The following AMY2A variants were observed in gnomAD, a reference collection of about 807,000 sequenced individuals.
The protein encoded by AMY2A is amylase alpha 2A.
Under a neutral mutation model 43.0 loss-of-function variants are expected in AMY2A, and 16 were observed. The observed-to-expected ratio is 0.37, with a 90% CI of 0.25 to 0.56. The LOEUF (loss-of-function observed/expected upper bound fraction) is 0.56, where lower values mean the gene tolerates loss of function less well. AMY2A is among the 20% of genes least tolerant of loss of function. AMY2A has a pLI of 0.77. For missense variants in AMY2A, 212 were observed against 456.8 expected (o/e 0.46, Z 4.89); for synonymous variants, 70 against 144.6 (o/e 0.48, Z 3.70).
chr1:103,618,077 G>C lies in AMY2A; in HGVS notation c.292G>C (p.Val98Leu). ...AAATGAAGATGAATTTAGAAACATG[G>C]TGACTAGATGTAACAATGTTGGGGT... ...SGNEDEFRNM[V>L]TRCNNVGVRI... The change falls in exon 2 of 10, where the codon GTG (valine) becomes CTG (leucine). Residue 98 changes from valine (V) to leucine (L), a missense_variant. Transcript: ENST00000414303. 6.2e-7 allele frequency: 1 copy of C among 1,600,016 alleles called. No individual in the cohort carries two copies.
chr1:103,618,074 A>G lies in AMY2A; in HGVS notation c.289A>G (p.Met97Val), dbSNP rs1653128938. 1.2e-6 allele frequency: 2 copies of G among 1,600,336 alleles called. No individual in the cohort carries two copies. The highest frequency in any genetic ancestry group is 1.1e-5 in the South Asian group (1 of 90,860). ...RSGNEDEFRN[M>V]VTRCNNVGVR... The stretch of plus-strand genomic sequence containing the variant: ...TGGAAATGAAGATGAATTTAGAAAC[A>G]TGGTGACTAGATGTAACAATGTTGG... Residue 97 changes from methionine (M) to valine (V), a missense_variant, in exon 2 of 10, where the codon ATG becomes GTG. By Grantham distance (21) the Met-to-Val change is conservative (BLOSUM62 1). Around this residue, in one of 2 missense-constraint regions of AMY2A, gnomAD observed 199 missense variants for 210.6 expected, o/e 0.94. Transcript: ENST00000414303.
chr1:103,618,105 G>A lies in AMY2A; in HGVS notation c.315+5G>A, dbSNP rs771818136. On this transcript the variant is annotated splice_donor_5th_base_variant and intron_variant, in intron 2 of 9. Coordinates refer to ENST00000414303, the MANE Select transcript of AMY2A (RefSeq NM_000699.4). ...ACTAGATGTAACAATGTTGGGGTAA[G>A]TGAATTCTAGTTTCCTTTAAAAATA... The A allele has an allele frequency of 1.9e-6, 3 of 1,593,712 alleles. No individual in the cohort carries two copies. The highest frequency in any genetic ancestry group is 2.6e-6 in the Non-Finnish European group (3 of 1,165,828).
chr1:103,619,093 C>T lies in AMY2A; in HGVS notation c.498C>T (p.Tyr166=), dbSNP rs201745025. ...CTGGAAGTGGAGATATCGAGAACTA[C>T]AATGATGCTACTCAGGTAATTTTTT... ...CKTGSGDIEN[Y]NDATQVRDCR... Residue 166 remains tyrosine (Y), a synonymous_variant, in exon 3 of 10, where the codon TAC becomes TAT. Coordinates refer to ENST00000414303, the MANE Select transcript of AMY2A (RefSeq NM_000699.4). The T allele has an allele frequency of 5.2e-6, 6 of 1,143,718 alleles. No individual in the cohort carries two copies. The highest frequency in any genetic ancestry group is 1.6e-5 in the African/African-American group (1 of 61,230). The allele number at this position is 1,143,718 out of a possible 1,614,324, so 70.8% of individuals were successfully genotyped here.
intron 2 of AMY2A, 152 bp from the exon 3 acceptor site, chr1:103,618,759 T>C (rs1653150604): frequency 1.4e-6 from 2 of 1,456,674 alleles, no homozygotes; most frequent in South Asian, 1.3e-5. Context: ...TTACTTTCCT[T>C]TCACAGTTGA....
chr1:103,620,737 T>TGAGGTAGTATG, intron 5 of AMY2A, 53 bp downstream of exon 5: 2 of 1,133,450 alleles, frequency 1.8e-6, no homozygotes, highest in Non-Finnish European at 2.5e-6. Flanking sequence ...TTAGTCATAC[T>TGAGGTAGTATG]ACCTCAGTGT....
chr1:103,617,219 C>A (rs1316138237), upstream of AMY2A, among the ~76,000 whole-genome samples: 2 of 150,464 alleles, frequency 1.3e-5, no homozygotes, highest in African/African-American at 2.4e-5. Flanking sequence ...GCTGCCAGAA[C>A]CTAAGAAAAA....
chr1:103,617,793 T>A (rs1312836418), intron 1 of AMY2A, among the ~76,000 whole-genome samples, 161 bp from the exon 2 acceptor site: 1 of 150,822 alleles, frequency 6.6e-6, no homozygotes, highest in South Asian at 2.1e-4. Flanking sequence ...TGAGATAATC[T>A]TTCTTCACCA....
At chr1:103,623,297 G>C (rs1237570729) in intron 7 of AMY2A, among the ~76,000 whole-genome samples, 3 of 136,586 alleles carry the variant, frequency 2.2e-5, no homozygotes, top group African/African-American at 8.5e-5. Flanking sequence ...CAATGACATT[G>C]CATGGCTTAC....
chr1:103,619,148 A>G (rs1431758246), intron 3 of AMY2A, 40 bp downstream of exon 3: 1 of 682,154 alleles, frequency 1.5e-6, no homozygotes, highest in Non-Finnish European at 2.3e-6. Flanking sequence ...AAAGAGTAAT[A>G]TATGCCTTTT....
At chr1:103,623,692 G>C (rs1653246645) in intron 7 of AMY2A, among the ~76,000 whole-genome samples, 174 bp from the exon 8 acceptor site, 2 of 123,384 alleles carry the variant, frequency 1.6e-5, no homozygotes, top group African/African-American at 3.4e-5. Context: ...CCAGAGGATA[G>C]AGAGATGATG....
At chr1:103,617,134 A>T, upstream of AMY2A, 1 of 972,920 alleles carries the variant, frequency 1.0e-6, no homozygotes, top group South Asian at 2.0e-5. Context: ...AGATGACAAC[A>T]AATTTTGGTT....
Position 103,619,057 on chromosome 1 carries a change from T to C in AMY2A, c.462T>C (p.Gly154=). The change falls in exon 3 of 10, where the codon GGT becomes GGC. Residue 154 remains glycine, a synonymous_variant. Coordinates refer to ENST00000414303, the MANE Select transcript of AMY2A (RefSeq NM_000699.4). ...ATTCTGGATGGGATTTCAATGATGG[T>C]AAATGTAAAACTGGAAGTGGAGATA... ...VPYSGWDFND[G]KCKTGSGDIE... 1.6e-6 allele frequency: 2 copies of C among 1,289,878 alleles called. No homozygotes were observed. Among genetic ancestry groups the C allele is most frequent in the Non-Finnish European group, 2.1e-6 (2 of 956,412 alleles). 79.9% of individuals were successfully genotyped at this position (1,289,878 alleles called of 1,614,324 possible).
chr1:103,617,255 A>C, upstream of AMY2A: 2 of 1,287,860 alleles, frequency 1.6e-6, no homozygotes, highest in South Asian at 3.0e-5. Context: ...GGTCATTTAG[A>C]TGATTTCCAT....
In AMY2A at chr1:103,618,218, T is replaced by A. The variant is rs946979954; in HGVS notation, c.315+118T>A. On this transcript the variant is annotated intron_variant, in intron 2 of 9. Transcript: ENST00000414303. Reference sequence around the variant, plus strand: ...ATTTTATTTTTTTAATTTTACTTCATAATTTAAAACTCAAAATTAACTGTT... The same window carrying A: ...ATTTTATTTTTTTAATTTTACTTCAAAATTTAAAACTCAAAATTAACTGTT... The A allele has an allele frequency of 1.1e-5, 16 of 1,433,626 alleles. 1 individual carries two copies. The highest frequency in any genetic ancestry group is 2.4e-5 in the Admixed American group (1 of 41,918). 88.8% of individuals were successfully genotyped at this position (1,433,626 alleles called of 1,614,324 possible).
chr1:103,618,012 G>C lies in AMY2A; in HGVS notation c.227G>C (p.Arg76Thr), dbSNP rs371720173. Residue 76 changes from arginine to threonine, a missense_variant, in exon 2 of 10, where the codon AGA becomes ACA. Arg to Thr is a moderately conservative substitution (Grantham distance 71, BLOSUM62 -1). Coordinates refer to ENST00000414303, the MANE Select transcript of AMY2A (RefSeq NM_000699.4). ...IYNPFRPWWE[R>T]YQPVSYKLCT... ...AACCCTTTCAGACCTTGGTGGGAAA[G>C]ATACCAACCAGTTAGCTATAAATTA... is the stretch of plus-strand genomic sequence containing the variant. 1.2e-6 allele frequency: 2 copies of C among 1,600,618 alleles called. No individual in the cohort carries two copies. The highest frequency in any genetic ancestry group is 2.7e-5 in the African/African-American group (2 of 74,760).
chr1:103,619,232 T>A lies in AMY2A; in HGVS notation c.513+124T>A, dbSNP rs1203037147. 6.3e-5 allele frequency: 40 copies of A among 635,710 alleles called. 1 individual carries two copies. The Admixed American group carries it at 1.1e-3, about 17-fold the overall frequency. The allele number at this position is 635,710 out of a possible 1,614,324, so 39.4% of individuals were successfully genotyped here. On this transcript the variant is annotated intron_variant, in intron 3 of 9. Coordinates refer to ENST00000414303, the MANE Select transcript of AMY2A (RefSeq NM_000699.4). The stretch of plus-strand genomic sequence containing the variant: ...TCTCTTAGGGACAGAAGTTAACAAG[T>A]TTGACTACTTTAAGAAACTCAAATC...
In AMY2A at chr1:103,617,585, C is replaced by G. The variant is rs147709536; in HGVS notation, c.145C>G (p.Pro49Ala). The change falls in exon 1 of 10, where the codon CCG (proline) becomes GCG (alanine). Residue 49 changes from proline to alanine, a missense_variant. This residue lies in a region of AMY2A where 199 missense variants were observed against 210.6 expected (regional missense o/e 0.94). Transcript: ENST00000414303. The part of the protein sequence containing the change: ...IALECERYLA[P>A]KGFGGVQVSP... ...TCTTGAATGTGAGCGATATTTAGCT[C>G]CGAAGGGATTTGGAGGGGTTCAGGT... 5.5e-4 allele frequency: 881 copies of G among 1,600,576 alleles called. 82 individuals are homozygous for G. Among genetic ancestry groups the G allele is most frequent in the Non-Finnish European group, 7.0e-4 (814 of 1,170,852 alleles).
At chr1:103,617,147 C>T, upstream of AMY2A, 1 of 970,640 alleles carries the variant, frequency 1.0e-6, no homozygotes, top group Non-Finnish European at 1.4e-6. Context: ...TTTTGGTTTT[C>T]TACTGTTATG....
At chr1:103,624,890 A>G (rs1262935572) in intron 9 of AMY2A, among the ~76,000 whole-genome samples, 1 of 131,222 alleles carries the variant, frequency 7.6e-6, no homozygotes, top group Non-Finnish European at 1.7e-5. Context: ...TGGTGTAAAC[A>G]GTTGAATTGT....
Sources: gnomAD v4.1 joint callset for allele counts (sites outside exome capture counted in the v4.1 genomes callset) on GRCh38, gnomAD v4.1.1 for gene constraint, gnomAD v4.1.1 regional missense constraint, MANE v1.5 for transcripts, NCBI Gene and HGNC (gene_info 2026-07-23, HGNC 2026-07-21) for gene names.